Variants in SLC9A1 observed in about 807,000 individuals in gnomAD.
SLC9A1 encodes the protein solute carrier family 9 member A1.
Under a neutral mutation model 67.9 loss-of-function variants are expected in SLC9A1, and 22 were observed. The observed-to-expected ratio is 0.32, with a 90% CI of 0.23 to 0.46. The LOEUF (loss-of-function observed/expected upper bound fraction) is 0.46, where lower values mean the gene tolerates loss of function less well. Ranked by LOEUF, SLC9A1 falls within the 20% of genes least tolerant of loss-of-function variation. SLC9A1 has a pLI of 1.00. For missense variants in SLC9A1, 686 were observed against 1,094.8 expected (o/e 0.63, Z 5.27); for synonymous variants, 421 against 471.8 (o/e 0.89, Z 1.40).
intron 1 of SLC9A1, among the ~76,000 whole-genome samples, chr1:27,147,410 T>C (rs1180560677): frequency 1.3e-5 from 2 of 151,450 alleles, no homozygotes; most frequent in African/African-American, 4.9e-5. Flanking sequence ...GAGAATCACT[T>C]GAACCTGGAG....
At chr1:27,143,046 T>TAAAAAAAAAAAAAAAAAAAAAA (rs55970751) in intron 1 of SLC9A1, among the ~76,000 whole-genome samples, 1 of 98,462 alleles carries the variant, frequency 1.0e-5, no homozygotes, top group African/African-American at 4.0e-5. Context: ...ATCAACTGTG[T>TAAAAAAAAAAAAAAAAAAAAAA]AAAAAAAAAA....
intron 1 of SLC9A1, among the ~76,000 whole-genome samples, chr1:27,139,891 C>T (rs1245686693): frequency 3.3e-5 from 5 of 151,590 alleles, no homozygotes; most frequent in Non-Finnish European, 7.4e-5. Context: ...CTCCTGGGTT[C>T]AAGCCATTCT....
intron 1 of SLC9A1, among the ~76,000 whole-genome samples, chr1:27,139,912 C>T (rs1042975643): frequency 6.6e-6 from 1 of 151,928 alleles, no homozygotes; most frequent in Non-Finnish European, 1.5e-5. Context: ...CCTGTCTCAA[C>T]CTCCCAAGTA....
intron 1 of SLC9A1, among the ~76,000 whole-genome samples, chr1:27,152,486 C>T (rs1412688364): frequency 6.6e-6 from 1 of 152,186 alleles, no homozygotes; most frequent in Non-Finnish European, 1.5e-5. Flanking sequence ...GACGACATTT[C>T]ATGACTCAAT....
chr1:27,100,320 G>A lies in SLC9A1; in HGVS notation c.2435C>T (p.Pro812Leu), dbSNP rs778226166. ...CTGGCCCTGGTGTTACTGCCCCTTGGGGAAGAACGGTTCTCCCTCCCCAGG... is the reference window on the plus strand; with the variant it reads ...CTGGCCCTGGTGTTACTGCCCCTTGAGGAAGAACGGTTCTCCCTCCCCAGG... The part of the protein sequence containing the change: ...PEPGEGEPFF[P>L]KGQ The change falls in exon 12 of 12, where the codon CCC becomes CTC. Residue 812 changes from proline to leucine, a missense_variant. Pro to Leu is a moderately conservative substitution (Grantham distance 98, BLOSUM62 -3). This residue lies in a region of SLC9A1 where 226 missense variants were observed against 282.4 expected (regional missense o/e 0.80). Coordinates refer to ENST00000263980, the MANE Select transcript of SLC9A1 (RefSeq NM_003047.5). This position sits in a 1 kb window ranked among gnomAD's most constrained non-coding sequence, Gnocchi z 5.6. 3.3e-6 allele frequency: 5 copies of A among 1,531,388 alleles called. No individual in the cohort carries two copies. Among genetic ancestry groups the A allele is most frequent in the Non-Finnish European group, 4.4e-6 (5 of 1,139,614 alleles). 94.9% of individuals were successfully genotyped at this position (1,531,388 alleles called of 1,614,324 possible). A position where few individuals can be genotyped will look rare whatever the true frequency, so the allele number is the denominator to read the frequency against.
intron 2 of SLC9A1, among the ~76,000 whole-genome samples, chr1:27,113,154 C>T (rs567041189): frequency 6.6e-6 from 1 of 152,160 alleles, no homozygotes; most frequent in Admixed American, 6.6e-5. Flanking sequence ...TTTGCCCAAG[C>T]TCACATCAAA....
At chr1:27,115,376 T>C (rs916252406) in intron 1 of SLC9A1, among the ~76,000 whole-genome samples, 2 of 152,146 alleles carry the variant, frequency 1.3e-5, no homozygotes, top group Non-Finnish European at 2.9e-5. Context: ...CAGAGAACCC[T>C]GAGCTCCTGT....
intron 1 of SLC9A1, among the ~76,000 whole-genome samples, chr1:27,147,299 C>CAAAAAAAAA (rs57583944): frequency 0.02 from 860 of 43,888 alleles, 81 homozygotes; most frequent in African/African-American, 0.063. Flanking sequence ...GACTCTGTCT[C>CAAAAAAAAA]AAAAAAAAAA....
intron 1 of SLC9A1, among the ~76,000 whole-genome samples, chr1:27,150,514 T>C (rs1421510594): frequency 6.6e-6 from 1 of 152,252 alleles, no homozygotes; most frequent in South Asian, 2.1e-4. Context: ...GCAGAGTTCA[T>C]GCGGGGTCCA....
intron 1 of SLC9A1, among the ~76,000 whole-genome samples, chr1:27,130,659 T>C (rs1382871442): frequency 6.6e-6 from 1 of 152,222 alleles, no homozygotes; most frequent in Non-Finnish European, 1.5e-5. Context: ...CTGTGCCTTC[T>C]CATTTAGCCT....
rs2083284779 is a variant in SLC9A1 at position 27,118,290 on chromosome 1, T to C, written c.353-4004A>G. 6.6e-6 allele frequency among the ~76,000 whole-genome samples: 1 copy of C among 152,180 alleles called. No homozygotes were observed. Among genetic ancestry groups the C allele is most frequent in the Non-Finnish European group, 1.5e-5 (1 of 68,026 alleles). On this transcript the variant is annotated intron_variant, in intron 1 of 11. Transcript: ENST00000263980. The surrounding 1 kb of genome is among the most constrained non-coding windows in gnomAD (Gnocchi z 4.3). ...TGAGGAGAAAGGTCTGAGATCCACT[T>C]TTGGCTCCCTGCCTGTGGGTAGGTG...
intron 1 of SLC9A1, among the ~76,000 whole-genome samples, chr1:27,139,077 A>G (rs1459192542): frequency 6.6e-6 from 1 of 152,052 alleles, no homozygotes; most frequent in Non-Finnish European, 1.5e-5. Context: ...GGAGTTCCAG[A>G]TGCTTCATCC....
In SLC9A1 at chr1:27,098,991, C is replaced by T. The variant is rs1317454641; in HGVS notation, c.*1316G>A. On this transcript the variant is annotated 3_prime_UTR_variant, in exon 12 of 12. Transcript: ENST00000263980. ...AGGATGGACAGATGGGCCGAGGACC[C>T]ATGGCCCAGTCCCCTGCAAAAAGGG... is the stretch of plus-strand genomic sequence containing the variant. The T allele has an allele frequency of 1.3e-5, 2 of 152,650 alleles. No individual in the cohort carries two copies. The highest frequency in any genetic ancestry group is 4.8e-5 in the African/African-American group (2 of 41,456). 9.5% of individuals were successfully genotyped at this position (152,650 alleles called of 1,614,324 possible).
intron 1 of SLC9A1, among the ~76,000 whole-genome samples, chr1:27,129,018 C>A (rs1174239547): frequency 6.6e-6 from 1 of 152,156 alleles, no homozygotes; most frequent in African/African-American, 2.4e-5. Context: ...CAGACACTCC[C>A]GTGCAGATCT....
Position 27,113,810 on chromosome 1 carries a change from C to T in SLC9A1, c.813+16G>A, listed in dbSNP as rs181245704. 3 of 1,596,062 alleles carry T rather than the reference C, an allele frequency of 1.9e-6. No individual in the cohort carries two copies. Among genetic ancestry groups the T allele is most frequent in the South Asian group, 2.2e-5 (2 of 89,194 alleles). ...TTGTACCGTTTGGACATGGGCATGGCCCCTGGCCTCCTCACCACAGTGACG... is the reference window on the plus strand; with the variant it reads ...TTGTACCGTTTGGACATGGGCATGGTCCCTGGCCTCCTCACCACAGTGACG... On this transcript the variant is annotated intron_variant, in intron 2 of 11. Coordinates refer to ENST00000263980, the MANE Select transcript of SLC9A1 (RefSeq NM_003047.5).
Position 27,132,865 on chromosome 1 carries a change from G to A in SLC9A1, c.353-18579C>T, listed in dbSNP as rs145704719. Among the ~76,000 whole-genome samples, 57 of 152,308 alleles carry A rather than the reference G, an allele frequency of 3.7e-4. 1 individual carries two copies. Among genetic ancestry groups the A allele is most frequent in the Non-Finnish European group, 6.2e-4 (42 of 68,030 alleles). ...TTGCTTAATGAGCTGTGGCTCCAGG[G>A]AAGGGCGGACGCTGGAGCACCAGGA... On this transcript the variant is annotated intron_variant, in intron 1 of 11. Coordinates refer to ENST00000263980, the MANE Select transcript of SLC9A1 (RefSeq NM_003047.5).
intron 1 of SLC9A1, among the ~76,000 whole-genome samples, chr1:27,128,376 G>A (rs2083359897): frequency 6.6e-6 from 1 of 152,210 alleles, no homozygotes; most frequent in African/African-American, 2.4e-5. Context: ...ATATGCCCAG[G>A]CCAGGGGAGG....
intron 1 of SLC9A1, among the ~76,000 whole-genome samples, chr1:27,147,995 CAA>C (rs376077372): frequency 2.8e-5 from 4 of 142,264 alleles, no homozygotes; most frequent in Admixed American, 7.0e-5. Context: ...ACTCTTGTAT[CAA>C]AAAAAAAAAG....
intron 1 of SLC9A1, among the ~76,000 whole-genome samples, chr1:27,130,947 T>C (rs1368535664): frequency 6.6e-6 from 1 of 152,186 alleles, no homozygotes; most frequent in African/African-American, 2.4e-5. Context: ...CCTGCCTACT[T>C]GTCTGCCAAC....
Sources: gnomAD v4.1 joint callset for allele counts (sites outside exome capture counted in the v4.1 genomes callset) on GRCh38, gnomAD v4.1.1 for gene constraint, gnomAD v4.1.1 regional missense constraint, Gnocchi (gnomAD v3.1) non-coding constraint, MANE v1.5 for transcripts, NCBI Gene and HGNC (gene_info 2026-07-23, HGNC 2026-07-21) for gene names.